The following SH3D19 variants were observed in gnomAD, a reference collection of about 807,000 sequenced individuals.
The protein encoded by SH3D19 is SH3 domain-containing protein 19.
A neutral mutation model predicts 112.1 loss-of-function variants in SH3D19; 58 were observed. That is an observed-to-expected ratio of 0.52 (90% CI 0.42 to 0.64). The LOEUF (loss-of-function observed/expected upper bound fraction) is 0.64. Among genes scored for constraint, SH3D19 ranks in the 30% least tolerant of loss-of-function variants. The pLI, the probability that SH3D19 is intolerant of heterozygous loss-of-function variation, is 0.00. For synonymous variants in SH3D19, 391 were observed against 448.5 expected (o/e 0.87, Z 1.62); for missense variants, 1,090 against 1,263.4 (o/e 0.86, Z 2.08).
At chr4:151,166,776 T>C (rs1758111074) in intron 7 of SH3D19, among the ~76,000 whole-genome samples, 1 of 152,216 alleles carries the variant, frequency 6.6e-6, no homozygotes, top group Non-Finnish European at 1.5e-5. Context: ...CACCTTTTGC[T>C]GAGCAGCTCT....
intron 2 of SH3D19, among the ~76,000 whole-genome samples, chr4:151,211,370 C>T (rs1174542229): frequency 6.6e-6 from 1 of 152,018 alleles, no homozygotes; most frequent in Admixed American, 6.6e-5. Context: ...CTCCTTGGGT[C>T]TCCTTATTCC....
chr4:151,291,080 C>G, intron 1 of SH3D19: 1 of 1,500,994 alleles, frequency 6.7e-7, no homozygotes, highest in Non-Finnish European at 9.1e-7. Flanking sequence ...CTTTATGCCT[C>G]TTTTCACTAT....
chr4:151,155,192 A>C (rs1267023407), intron 9 of SH3D19, among the ~76,000 whole-genome samples: 1 of 152,220 alleles, frequency 6.6e-6, no homozygotes, highest in African/African-American at 2.4e-5. Flanking sequence ...TTCAGAGTAG[A>C]AGCCAACCTT....
At chr4:151,130,667 C>T (rs528289295) in intron 17 of SH3D19, among the ~76,000 whole-genome samples, 93 of 152,138 alleles carry the variant, frequency 6.1e-4, no homozygotes, top group Non-Finnish European at 1.1e-3. Context: ...GAAGGCCAGG[C>T]GCAGTGGCTC....
chr4:151,313,474 T>G (rs1392019067), intron 1 of SH3D19, among the ~76,000 whole-genome samples: 1 of 152,098 alleles, frequency 6.6e-6, no homozygotes, highest in East Asian at 1.9e-4. Context: ...TGGAGTGCAG[T>G]GGTGCAATCA....
intron 1 of SH3D19, among the ~76,000 whole-genome samples, chr4:151,309,192 A>G (rs1309270912): frequency 6.6e-6 from 1 of 152,200 alleles, no homozygotes; most frequent in Non-Finnish European, 1.5e-5. Flanking sequence ...CTTTCAACTT[A>G]CATGTATATC....
intron 1 of SH3D19, among the ~76,000 whole-genome samples, chr4:151,258,048 C>G (rs1390511506): frequency 6.6e-6 from 1 of 152,156 alleles, no homozygotes; most frequent in Non-Finnish European, 1.5e-5. Context: ...TCCCTTGTCC[C>G]CCTTTTCAAA....
chr4:151,252,735 A>C (rs193245348), intron 1 of SH3D19, among the ~76,000 whole-genome samples: 60 of 152,332 alleles, frequency 3.9e-4, no homozygotes, highest in Middle Eastern at 3.4e-3. Flanking sequence ...TCTTAAACTT[A>C]TGCCTACAAA....
At chr4:151,260,846 G>T (rs1016239067) in intron 1 of SH3D19, among the ~76,000 whole-genome samples, 1 of 152,040 alleles carries the variant, frequency 6.6e-6, no homozygotes, top group Non-Finnish European at 1.5e-5. Flanking sequence ...TGCTTTTATC[G>T]ATCTTAAGGC....
chr4:151,208,739 A>G (rs992254416), intron 2 of SH3D19, among the ~76,000 whole-genome samples: 1 of 148,024 alleles, frequency 6.8e-6, no homozygotes, highest in African/African-American at 2.5e-5. Context: ...GTGCAGTGGC[A>G]TGATCTCAGC....
chr4:151,282,186 C>T lies in SH3D19; in HGVS notation c.112+43055G>A, dbSNP rs372652981. On this transcript the variant is annotated intron_variant, in intron 1 of 19. Transcript: ENST00000604030. The stretch of plus-strand genomic sequence containing the variant: ...TTTTCATATACTGTGTGGCTAGGAT[C>T]GATTACAGTAGGTGACTCAAGGAAA... 5.0e-5 allele frequency: 81 copies of T among 1,613,714 alleles called. No homozygotes were observed. Among genetic ancestry groups the T allele is most frequent in the East Asian group, 1.3e-4 (6 of 44,886 alleles).
intron 1 of SH3D19, chr4:151,279,132 C>T: frequency 2.3e-6 from 1 of 435,638 alleles, no homozygotes; most frequent in Non-Finnish European, 4.5e-6. Flanking sequence ...CCAAGGCCAG[C>T]ACCCTGCAGC....
Position 151,147,885 on chromosome 4 carries a change from C to G in SH3D19, c.2082+37G>C, listed in dbSNP as rs745321273. The G allele has an allele frequency of 3.2e-6, 5 of 1,562,058 alleles. No individual in the cohort carries two copies. The South Asian group carries it at 6.2e-5, about 19-fold the overall frequency. On this transcript the variant is annotated intron_variant, in intron 11 of 19. Coordinates refer to ENST00000604030, the MANE Select transcript of SH3D19 (RefSeq NM_001378122.1). ...AATCGTATATATACTTTAGGGCACA[C>G]CTCTTGACCACAAACATTTTTAAAA...
chr4:151,184,560 G>C (rs187870212), intron 3 of SH3D19, among the ~76,000 whole-genome samples: 1 of 152,180 alleles, frequency 6.6e-6, no homozygotes, highest in Non-Finnish European at 1.5e-5. Context: ...TCAAAGCAAG[G>C]TTTTTCCCTT....
rs1491123733 is a variant in SH3D19 at position 151,213,670 on chromosome 4, TAA to T, written c.152+12375_152+12376del. Among the ~76,000 whole-genome samples the T allele has an allele frequency of 2.2e-3, 329 of 148,062 alleles. 3 individuals carry two copies. The highest frequency in any genetic ancestry group is 0.01 in the Middle Eastern group (3 of 290). On this transcript the variant is annotated intron_variant, in intron 2 of 19. Coordinates refer to ENST00000604030, the MANE Select transcript of SH3D19 (RefSeq NM_001378122.1). ...GGAGGGAGGAATTAATAATATGAAT[TAA>T]TTAATTAATTAATTAATTTATTTAT... is the stretch of plus-strand genomic sequence containing the variant.
At chr4:151,248,686 G>T (rs113038109) in intron 1 of SH3D19, among the ~76,000 whole-genome samples, 11 of 152,072 alleles carry the variant, frequency 7.2e-5, no homozygotes, top group Non-Finnish European at 1.2e-4. Context: ...AGTGGAAGGC[G>T]CATGGACTTT....
intron 1 of SH3D19, among the ~76,000 whole-genome samples, chr4:151,259,318 A>C (rs1304840155): frequency 6.6e-6 from 1 of 152,216 alleles, no homozygotes; most frequent in African/African-American, 2.4e-5. Context: ...CAAGTAAGAC[A>C]CTTCAGGCAG....
At chr4:151,286,304 A>G (rs900328208) in intron 1 of SH3D19, among the ~76,000 whole-genome samples, 4 of 151,442 alleles carry the variant, frequency 2.6e-5, no homozygotes, top group African/African-American at 9.7e-5. Flanking sequence ...AACAAAAGCA[A>G]AAGTTGGTTT....
intron 3 of SH3D19, among the ~76,000 whole-genome samples, chr4:151,180,930 T>TTG (rs1491531625): frequency 1.4e-4 from 1 of 7,376 alleles, no homozygotes; most frequent in Non-Finnish European, 1.8e-3. Context: ...TGCCCGGCTA[T>TTG]TTTTTTTTTT....
Sources: gnomAD v4.1 joint callset for allele counts (sites outside exome capture counted in the v4.1 genomes callset) on GRCh38, gnomAD v4.1.1 for gene constraint, MANE v1.5 for transcripts, NCBI Gene and HGNC (gene_info 2026-07-23, HGNC 2026-07-21) for gene names.